The following DMD variants were observed in gnomAD, a reference collection of about 807,000 sequenced individuals.
The protein encoded by DMD is dystrophin.
DMD carries 63 observed loss-of-function variants against 330.1 expected under a neutral mutation model. The ratio of observed to expected loss-of-function variants is 0.19; its 90% CI spans 0.16 to 0.24. DMD has a LOEUF of 0.24. Ranked by LOEUF, DMD falls within the 10% of genes least tolerant of loss-of-function variation. DMD has a pLI of 1.00. For missense variants in DMD, 3,344 were observed against 2,684.1 expected, an observed-to-expected ratio of 1.25 and a Z score of -5.43; for synonymous variants, 1,223 against 959.8, an observed-to-expected ratio of 1.27 and a Z score of -5.07.
chrX:32,964,588 A>G (rs185885069), intron 2 of DMD, among the ~76,000 whole-genome samples: 111 of 109,843 alleles, frequency 1.0e-3, no homozygotes, highest in Non-Finnish European at 1.8e-3. Flanking sequence ...TGCGCCTGTA[A>G]TCCCAGCTAC....
At chrX:32,432,593 T>C (rs187726874) in intron 29 of DMD, among the ~76,000 whole-genome samples, 1 of 112,037 alleles carries the variant, frequency 8.9e-6, no homozygotes, top group African/African-American at 3.2e-5. Context: ...ATCAAATCTA[T>C]TTCATAAAGC....
intron 44 of DMD, among the ~76,000 whole-genome samples, chrX:32,184,832 C>CTTTTTTT (rs78157427): frequency 1.6e-5 from 1 of 60,665 alleles, no homozygotes; most frequent in Admixed American, 2.1e-4. Context: ...CTACAGATGT[C>CTTTTTTT]TTTTTTTTTT....
chrX:32,710,903 A>T (rs1256830493), intron 7 of DMD, among the ~76,000 whole-genome samples: 1 of 111,309 alleles, frequency 9.0e-6, no homozygotes, highest in Non-Finnish European at 1.9e-5. Flanking sequence ...TTAAGCTCAG[A>T]TATATGAGAA....
chrX:32,748,301 G>A (rs192730715), intron 7 of DMD, among the ~76,000 whole-genome samples: 4 of 103,732 alleles, frequency 3.9e-5, no homozygotes, highest in Admixed American at 1.1e-4. Context: ...CCAAGATCAT[G>A]CCACTGCACT....
At chrX:31,868,824 T>A (rs370653436) in intron 48 of DMD, among the ~76,000 whole-genome samples, 1 of 110,094 alleles carries the variant, frequency 9.1e-6, no homozygotes, top group East Asian at 2.8e-4. Flanking sequence ...TGGAGACTTT[T>A]AAAAAATCAA....
At chrX:32,710,254 G>GAA (rs544256391) in intron 7 of DMD, among the ~76,000 whole-genome samples, 1 of 104,606 alleles carries the variant, frequency 9.6e-6, no homozygotes, top group African/African-American at 3.5e-5. Flanking sequence ...GATTAAAGTG[G>GAA]AAAAAAAAAA....
At chrX:32,234,413 G>A (rs1371940938) in intron 43 of DMD, among the ~76,000 whole-genome samples, 2 of 111,182 alleles carry the variant, frequency 1.8e-5, no homozygotes, top group Non-Finnish European at 3.8e-5. Context: ...GTGGTGAGAA[G>A]TTAGAATAGT....
chrX:32,644,800 C>T (rs756781862), intron 10 of DMD, among the ~76,000 whole-genome samples, 164 bp downstream of exon 10: 25 of 111,846 alleles, frequency 2.2e-4, no homozygotes, highest in African/African-American at 7.5e-4. Context: ...TCAATGGTTG[C>T]TCTCCAAAAG....
At chrX:32,939,154 T>C (rs183570866) in intron 2 of DMD, among the ~76,000 whole-genome samples, 104 of 108,769 alleles carry the variant, frequency 9.6e-4, no homozygotes, top group Non-Finnish European at 1.6e-3. Context: ...TTCTTTCTTT[T>C]TGTTCTAATA....
At chrX:33,268,947 G>T (rs1320586157) in intron 1 of DMD, among the ~76,000 whole-genome samples, 2 of 108,821 alleles carry the variant, frequency 1.8e-5, no homozygotes, top group Admixed American at 1.0e-4. Flanking sequence ...ATAAACGCTG[G>T]TGAGGCTGTA....
intron 63 of DMD, among the ~76,000 whole-genome samples, chrX:31,249,442 A>G (rs1449123976): frequency 1.8e-5 from 2 of 111,008 alleles, no homozygotes; most frequent in African/African-American, 6.6e-5. Flanking sequence ...ATGGGGTTTC[A>G]CCGTGTTGCC....
chrX:31,456,761 C>T (rs1839007399), intron 59 of DMD, among the ~76,000 whole-genome samples: 1 of 109,009 alleles, frequency 9.2e-6, no homozygotes, highest in Admixed American at 1.0e-4. Flanking sequence ...GGCATTTTCT[C>T]GGCAACTCTT....
intron 7 of DMD, among the ~76,000 whole-genome samples, chrX:32,720,792 A>T (rs115059884): frequency 0.016 from 1,789 of 111,171 alleles, 44 homozygotes; most frequent in African/African-American, 0.055. Flanking sequence ...ATATTTTTTT[A>T]AAAAAGGGTT....
intron 16 of DMD, among the ~76,000 whole-genome samples, chrX:32,549,241 G>A (rs1309291070): frequency 9.0e-6 from 1 of 111,314 alleles, no homozygotes; most frequent in East Asian, 2.8e-4. Context: ...ATTTGGGGCT[G>A]GTTGGTTCTT....
At chrX:32,000,333 T>TAGA (rs2095617516) in intron 44 of DMD, among the ~76,000 whole-genome samples, 2 of 112,192 alleles carry the variant, frequency 1.8e-5, no homozygotes, top group Non-Finnish European at 3.8e-5. Context: ...TACTTAATCG[T>TAGA]TGTCTTTCTC....
At chrX:32,038,744 T>A (rs1469574801) in intron 44 of DMD, among the ~76,000 whole-genome samples, 2 of 111,406 alleles carry the variant, frequency 1.8e-5, no homozygotes, top group East Asian at 5.6e-4. Context: ...ATTACATTAA[T>A]AAATTTACTT....
intron 1 of DMD, among the ~76,000 whole-genome samples, chrX:33,229,448 T>A (rs909202473): frequency 8.9e-6 from 1 of 111,745 alleles, no homozygotes; most frequent in Non-Finnish European, 1.9e-5. Flanking sequence ...GTCTACTTGC[T>A]CAAACACCAC....
At chrX:32,091,149 C>T (rs926206009) in intron 44 of DMD, among the ~76,000 whole-genome samples, 1 of 111,517 alleles carries the variant, frequency 9.0e-6, no homozygotes, top group Non-Finnish European at 1.9e-5. Flanking sequence ...CAAAACAGTG[C>T]TGATAAACTA....
At chrX:31,708,819 C>T (rs1002638988) in intron 52 of DMD, among the ~76,000 whole-genome samples, 1 of 112,219 alleles carries the variant, frequency 8.9e-6, no homozygotes. Context: ...AAATTTCTTA[C>T]TCAGTTTCCA....
Sources: allele counts gnomAD v4.1 joint callset (sites outside exome capture counted in the v4.1 genomes callset), GRCh38; gene constraint gnomAD v4.1.1; transcripts MANE v1.5; gene names NCBI Gene and HGNC (gene_info 2026-07-23, HGNC 2026-07-21).